Variants in AKAP6 observed in about 807,000 individuals in gnomAD.
AKAP6 encodes the protein A-kinase anchoring protein 6.
In AKAP6, 58 loss-of-function variants were observed where a neutral mutation model predicts 188.5. That is an observed-to-expected ratio of 0.31 (90% CI 0.25 to 0.38). AKAP6 has a LOEUF of 0.38. AKAP6 is among the 10% of genes least tolerant of loss of function. AKAP6 has a pLI of 1.00. For missense variants in AKAP6, 2,710 were observed against 2,740.0 expected, an observed-to-expected ratio of 0.99 and a Z score of 0.24; for synonymous variants, 989 against 998.6, an observed-to-expected ratio of 0.99 and a Z score of 0.18.
At chr14:32,549,035 A>C (rs946232666) in intron 4 of AKAP6, among the ~76,000 whole-genome samples, 2 of 152,220 alleles carry the variant, frequency 1.3e-5, no homozygotes, top group African/African-American at 4.8e-5. Context: ...AGGTTTATAA[A>C]CAAAGAGGAA....
chr14:32,622,804 T>C (rs1886869749), intron 7 of AKAP6, among the ~76,000 whole-genome samples: 1 of 152,074 alleles, frequency 6.6e-6, no homozygotes, highest in Admixed American at 6.6e-5. Flanking sequence ...AGGAGGATCA[T>C]AGCACCCAAG....
intron 12 of AKAP6, among the ~76,000 whole-genome samples, chr14:32,795,672 A>G (rs537789349): frequency 6.6e-5 from 10 of 152,334 alleles, no homozygotes; most frequent in Middle Eastern, 3.4e-3. Context: ...TGACAAATCA[A>G]TAGCATGCTG....
At chr14:32,739,882 A>G (rs911175573) in intron 11 of AKAP6, among the ~76,000 whole-genome samples, 2 of 152,122 alleles carry the variant, frequency 1.3e-5, no homozygotes, top group African/African-American at 4.8e-5. Context: ...TCTTTTGGAT[A>G]TATACCTAGC....
Position 32,490,941 on chromosome 14 carries a change from A to G in AKAP6, c.325-44613A>G, listed in dbSNP as rs1270155742. On this transcript the variant is annotated intron_variant, in intron 2 of 13. Transcript: ENST00000280979. ...ATTCAGTCAAAGTGCAAATAGTATT[A>G]TCAGTGAATAGTGATGATAATTTTA... 2.6e-5 allele frequency among the ~76,000 whole-genome samples: 4 copies of G among 152,242 alleles called. No individual in the cohort carries two copies. The East Asian group carries it at 5.8e-4, about 22-fold the overall frequency.
At chr14:32,419,905 CAAAAG>C (rs1889783882) in intron 1 of AKAP6, among the ~76,000 whole-genome samples, 1 of 145,946 alleles carries the variant, frequency 6.9e-6, no homozygotes, top group Admixed American at 6.7e-5. Context: ...AAAACAAAAA[CAAAAG>C]AAAAAAAACA....
chr14:32,330,336 C>T (rs777820009), intron 1 of AKAP6, among the ~76,000 whole-genome samples: 1 of 152,062 alleles, frequency 6.6e-6, no homozygotes, highest in Non-Finnish European at 1.5e-5. Flanking sequence ...GTATCATTTT[C>T]ATTTCAACTC....
At chr14:32,529,099 A>C (rs1882278195) in intron 2 of AKAP6, among the ~76,000 whole-genome samples, 1 of 152,214 alleles carries the variant, frequency 6.6e-6, no homozygotes, top group Non-Finnish European at 1.5e-5. Context: ...GAGTCTTCCT[A>C]TCCAGAAACA....
intron 7 of AKAP6, among the ~76,000 whole-genome samples, chr14:32,639,691 A>T (rs1566619933): frequency 6.6e-6 from 1 of 152,174 alleles, no homozygotes; most frequent in African/African-American, 2.4e-5. Flanking sequence ...TGTTAGAAGA[A>T]CTAGTAGTTA....
intron 2 of AKAP6, among the ~76,000 whole-genome samples, chr14:32,437,121 G>T (rs1384817877): frequency 1.3e-5 from 2 of 152,102 alleles, no homozygotes; most frequent in Admixed American, 6.6e-5. Context: ...GTTTGTTCTT[G>T]TCTGACAGCT....
intron 7 of AKAP6, among the ~76,000 whole-genome samples, chr14:32,606,817 C>T (rs1265698513): frequency 1.3e-5 from 2 of 152,142 alleles, no homozygotes; most frequent in Non-Finnish European, 1.5e-5. Context: ...ATCTGTTCAA[C>T]AATAACAGAA....
chr14:32,522,380 C>T (rs188709535), intron 2 of AKAP6, among the ~76,000 whole-genome samples: 1,910 of 152,200 alleles, frequency 0.013, 51 homozygotes, highest in African/African-American at 0.044. Flanking sequence ...GCAAAAGAAA[C>T]TACCATCAGA....
chr14:32,397,571 A>G lies in AKAP6; in HGVS notation c.-34-35889A>G, dbSNP rs952309575. Among the ~76,000 whole-genome samples the G allele has an allele frequency of 2.6e-5, 4 of 151,810 alleles. No homozygotes were observed. The East Asian group carries it at 7.7e-4, about 29-fold the overall frequency. ...CTTTTTATTGTCTTCTTAAACCGTA[A>G]ATTCCATGAGGAGCGAGCATATGAC... is the stretch of plus-strand genomic sequence containing the variant. On this transcript the variant is annotated intron_variant, in intron 1 of 13. Transcript: ENST00000280979.
intron 9 of AKAP6, among the ~76,000 whole-genome samples, chr14:32,703,877 G>A (rs767431776): frequency 5.9e-5 from 9 of 152,208 alleles, no homozygotes; most frequent in African/African-American, 9.6e-5. Context: ...ATCTGAGGCC[G>A]TTGGTTATGT....
At chr14:32,711,723 A>G (rs185656752) in intron 9 of AKAP6, among the ~76,000 whole-genome samples, 5 of 152,080 alleles carry the variant, frequency 3.3e-5, no homozygotes, top group African/African-American at 9.6e-5. Flanking sequence ...ATTTTATTCT[A>G]TAGATCCCCC....
At chr14:32,523,943 A>G (rs1202634045) in intron 2 of AKAP6, among the ~76,000 whole-genome samples, 1 of 152,184 alleles carries the variant, frequency 6.6e-6, no homozygotes, top group Non-Finnish European at 1.5e-5. Flanking sequence ...ATGTGGCTTC[A>G]ATCAACAAAT....
intron 8 of AKAP6, among the ~76,000 whole-genome samples, chr14:32,682,974 CT>C (rs894624930): frequency 3.4e-5 from 5 of 147,398 alleles, no homozygotes; most frequent in East Asian, 4.0e-4. Flanking sequence ...CCAGGTGATT[CT>C]TTTTTTTTCT....
At chr14:32,594,221 T>G (rs1885597378) in intron 5 of AKAP6, among the ~76,000 whole-genome samples, 1 of 152,218 alleles carries the variant, frequency 6.6e-6, no homozygotes, top group Admixed American at 6.5e-5. Context: ...ACCCAGAACT[T>G]GTTCCATAAG....
At chr14:32,752,988 A>G (rs914219853) in intron 11 of AKAP6, among the ~76,000 whole-genome samples, 2 of 152,164 alleles carry the variant, frequency 1.3e-5, no homozygotes, top group African/African-American at 2.4e-5. Context: ...TATCTTGATT[A>G]TTATGAATAA....
intron 1 of AKAP6, among the ~76,000 whole-genome samples, chr14:32,405,084 C>T (rs1362872867): frequency 6.6e-6 from 1 of 151,850 alleles, no homozygotes; most frequent in African/African-American, 2.4e-5. Flanking sequence ...AATGTCCTAA[C>T]CTCACTCTTC....
Sources: gnomAD v4.1 joint callset for allele counts (sites outside exome capture counted in the v4.1 genomes callset) on GRCh38, gnomAD v4.1.1 for gene constraint, MANE v1.5 for transcripts, NCBI Gene and HGNC (gene_info 2026-07-23, HGNC 2026-07-21) for gene names.